The following CD247 variants were observed in gnomAD, a reference collection of about 807,000 sequenced individuals.
The protein encoded by CD247 is CD247 molecule, also known as T-cell surface glycoprotein CD3 zeta chain.
In CD247, 13 loss-of-function variants were observed where a neutral mutation model predicts 30.0. The observed-to-expected ratio is 0.43, with a 90% CI of 0.28 to 0.69. CD247 has a LOEUF of 0.69. Ranked by LOEUF, CD247 falls within the 30% of genes least tolerant of loss-of-function variation. The probability of loss-of-function intolerance (pLI) is 0.16; values close to 1 mark genes in which losing one functional copy is unlikely to be tolerated. For missense variants in CD247, 193 were observed against 212.6 expected, an observed-to-expected ratio of 0.91 and a Z score of 0.57; for synonymous variants, 72 against 80.0, an observed-to-expected ratio of 0.90 and a Z score of 0.53.
chr1:167,491,465 G>A (rs999781001), intron 1 of CD247, among the ~76,000 whole-genome samples: 25 of 152,138 alleles, frequency 1.6e-4, no homozygotes, highest in African/African-American at 6.0e-4. Context: ...CTACTCGGGA[G>A]GCTGAGGCAA....
At chr1:167,443,055 C>T (rs531433432) in intron 1 of CD247, among the ~76,000 whole-genome samples, 3 of 152,268 alleles carry the variant, frequency 2.0e-5, no homozygotes, top group South Asian at 2.1e-4. Flanking sequence ...GCGTTCTACC[C>T]CTCCACTCAA....
chr1:167,446,676 C>T (rs1445878121), intron 1 of CD247, among the ~76,000 whole-genome samples: 1 of 152,166 alleles, frequency 6.6e-6, no homozygotes, highest in Non-Finnish European at 1.5e-5. Context: ...GATACCCACT[C>T]TTCAGGGGTG....
intron 1 of CD247, among the ~76,000 whole-genome samples, chr1:167,486,148 T>C (rs893305723): frequency 1.3e-5 from 2 of 152,054 alleles, no homozygotes; most frequent in Non-Finnish European, 2.9e-5. Flanking sequence ...ATTAGCAACA[T>C]GGAAAAGTGA....
intron 1 of CD247, among the ~76,000 whole-genome samples, chr1:167,465,745 G>C (rs1653219924): frequency 6.6e-6 from 1 of 152,194 alleles, no homozygotes; most frequent in African/African-American, 2.4e-5. Flanking sequence ...TTTCACAGCA[G>C]CAGGAATTAT....
chr1:167,481,693 C>T (rs752281484), intron 1 of CD247, among the ~76,000 whole-genome samples: 1 of 152,192 alleles, frequency 6.6e-6, no homozygotes, highest in Non-Finnish European at 1.5e-5. Flanking sequence ...GATTGGTGCA[C>T]GTGATACTCC....
At chr1:167,491,949 G>A (rs1279764155) in intron 1 of CD247, among the ~76,000 whole-genome samples, 1 of 152,146 alleles carries the variant, frequency 6.6e-6, no homozygotes, top group Non-Finnish European at 1.5e-5. Flanking sequence ...GTAGAATAGT[G>A]GTTGTCAGGG....
At chr1:167,434,805 T>C in intron 5 of CD247, 1 of 456,396 alleles carries the variant, frequency 2.2e-6, no homozygotes, top group East Asian at 6.9e-5. Flanking sequence ...TAGAAGCAGG[T>C]GCTGCTGCAG....
At chr1:167,442,898 G>T (rs1388497500) in intron 1 of CD247, among the ~76,000 whole-genome samples, 1 of 152,156 alleles carries the variant, frequency 6.6e-6, no homozygotes, top group Non-Finnish European at 1.5e-5. Flanking sequence ...AGCCATGTTA[G>T]GGCTCTGCCA....
At chr1:167,512,704 C>G (rs1312989519) in intron 1 of CD247, among the ~76,000 whole-genome samples, 1 of 152,218 alleles carries the variant, frequency 6.6e-6, no homozygotes, top group Non-Finnish European at 1.5e-5. Context: ...TTCCAAGTGC[C>G]TTTTGTGTTT....
chr1:167,471,588 G>C (rs1206656882), intron 1 of CD247, among the ~76,000 whole-genome samples: 1 of 152,002 alleles, frequency 6.6e-6, no homozygotes, highest in East Asian at 1.9e-4. Flanking sequence ...GTGTGGTGAT[G>C]ACTTTTGCTT....
At chr1:167,450,678 G>T (rs1368573480) in intron 1 of CD247, among the ~76,000 whole-genome samples, 4 of 152,146 alleles carry the variant, frequency 2.6e-5, no homozygotes, top group Non-Finnish European at 5.9e-5. Context: ...ACTTTGGAAG[G>T]CCGAGGCAGG....
At chr1:167,512,995 C>T (rs1205068746) in intron 1 of CD247, among the ~76,000 whole-genome samples, 1 of 152,208 alleles carries the variant, frequency 6.6e-6, no homozygotes, top group Non-Finnish European at 1.5e-5. Context: ...TTTACTTTAA[C>T]CTATTCTTTC....
At chr1:167,485,859 G>A (rs1307462780) in intron 1 of CD247, among the ~76,000 whole-genome samples, 1 of 152,180 alleles carries the variant, frequency 6.6e-6, no homozygotes, top group African/African-American at 2.4e-5. Context: ...CTGAGACCAA[G>A]AGGGCTGTGG....
At chr1:167,497,425 C>T (rs1014140636) in intron 1 of CD247, among the ~76,000 whole-genome samples, 3 of 152,184 alleles carry the variant, frequency 2.0e-5, no homozygotes, top group Admixed American at 1.3e-4. Context: ...AAATAAAGTC[C>T]ATTTCATTTT....
chr1:167,460,117 A>G (rs1273545572), intron 1 of CD247, among the ~76,000 whole-genome samples: 1 of 152,128 alleles, frequency 6.6e-6, no homozygotes, highest in African/African-American at 2.4e-5. Flanking sequence ...AAATAAGATT[A>G]TGGGCCAGGT....
At chr1:167,486,807 C>T (rs189929973) in intron 1 of CD247, among the ~76,000 whole-genome samples, 13 of 152,306 alleles carry the variant, frequency 8.5e-5, no homozygotes, top group East Asian at 1.9e-4. Context: ...CATGGTGGCT[C>T]GTGCCTATGT....
intron 1 of CD247, among the ~76,000 whole-genome samples, chr1:167,446,417 G>A (rs540503971): frequency 6.6e-6 from 1 of 152,274 alleles, no homozygotes; most frequent in East Asian, 1.9e-4. Context: ...CCCATTATTG[G>A]CTTGTTTTGG....
rs577985047 is a variant in CD247, at chr1:167,434,490, G to A, written c.337-414C>T. Reference sequence around the variant, plus strand: ...AACCCTCCCTCCCCACAGGAGGGGCGGGGAGGCATCTCCTTCACAGAAGGC... The same window carrying A: ...AACCCTCCCTCCCCACAGGAGGGGCAGGGAGGCATCTCCTTCACAGAAGGC... On this transcript the variant is annotated intron_variant, in intron 5 of 7. Transcript: ENST00000362089. The A allele has an allele frequency of 3.3e-4, 117 of 353,858 alleles. 1 individual carries two copies. The highest frequency in any genetic ancestry group is 2.2e-3 in the South Asian group (100 of 45,806). The allele number at this position is 353,858 out of a possible 1,614,324, so 21.9% of individuals were successfully genotyped here.
intron 1 of CD247, among the ~76,000 whole-genome samples, chr1:167,444,129 G>T (rs1571519737): frequency 6.6e-6 from 1 of 152,150 alleles, no homozygotes; most frequent in African/African-American, 2.4e-5. Context: ...TAAATGGAGG[G>T]TAATCATATC....
Sources: allele counts gnomAD v4.1 joint callset (sites outside exome capture counted in the v4.1 genomes callset), GRCh38; gene constraint gnomAD v4.1.1; transcripts MANE v1.5; gene names NCBI Gene and HGNC (gene_info 2026-07-23, HGNC 2026-07-21).